PPP6R2: variants seen among roughly 807,000 people sequenced by gnomAD.
The protein encoded by PPP6R2 is protein phosphatase 6 regulatory subunit 2.
PPP6R2 carries 62 observed loss-of-function variants against 100.2 expected under a neutral mutation model. The ratio of observed to expected loss-of-function variants is 0.62; its 90% CI spans 0.50 to 0.76. The LOEUF is 0.76. PPP6R2 is among the 30% of genes least tolerant of loss of function. PPP6R2 has a pLI of 0.00. For synonymous variants in PPP6R2, 525 were observed against 514.7 expected (o/e 1.02, Z -0.27); for missense variants, 1,142 against 1,276.3 (o/e 0.89, Z 1.60).
chr22:50,372,317 C>A lies in PPP6R2; in HGVS notation c.-17+167C>A, dbSNP rs376684673. Among the ~76,000 whole-genome samples, 8 of 152,144 alleles carry A rather than the reference C, an allele frequency of 5.3e-5. No homozygotes were observed. The South Asian group carries it at 6.2e-4, about 12-fold the overall frequency. On this transcript the variant is annotated intron_variant, in intron 2 of 23. Coordinates refer to ENST00000612753, the MANE Select transcript of PPP6R2 (RefSeq NM_001242898.2). Reference sequence around the variant, plus strand: ...CTGTAATCTCAGCACTTTGGGAGGCCGAGGTGGGTGGATCATGAGATCAGG... The same window carrying A: ...CTGTAATCTCAGCACTTTGGGAGGCAGAGGTGGGTGGATCATGAGATCAGG...
the PPP6R2 span, among the ~76,000 whole-genome samples, chr22:50,334,412 C>A: frequency 2.0e-5 from 3 of 152,168 alleles, no homozygotes; most frequent in African/African-American, 7.2e-5. Context: ...CTAGGTTATA[C>A]TTGTAGAACA....
chr22:50,440,631 T>G (rs965395674), intron 21 of PPP6R2, among the ~76,000 whole-genome samples, 191 bp from the exon 22 acceptor site: 1 of 152,076 alleles, frequency 6.6e-6, no homozygotes, highest in African/African-American at 2.4e-5. Context: ...GCAACAGGGT[T>G]GTTTGTGTGG....
intron 1 of PPP6R2, among the ~76,000 whole-genome samples, chr22:50,369,692 A>C (rs2049578573): frequency 6.6e-6 from 1 of 152,024 alleles, no homozygotes; most frequent in South Asian, 2.1e-4. Flanking sequence ...TTTTTAGTAG[A>C]GGCAGGGTTT....
chr22:50,430,777 G>A (rs1345192529), intron 10 of PPP6R2, among the ~76,000 whole-genome samples: 1 of 151,434 alleles, frequency 6.6e-6, no homozygotes, highest in African/African-American at 2.4e-5. Flanking sequence ...GGGAGGCTGA[G>A]GCAGGAGAAT....
intron 19 of PPP6R2, among the ~76,000 whole-genome samples, chr22:50,438,994 G>T (rs924784550): frequency 6.6e-6 from 1 of 152,198 alleles, no homozygotes; most frequent in African/African-American, 2.4e-5. Context: ...ACTCAGCCAC[G>T]TTGCCAAGGC....
chr22:50,416,077 CTT>C lies in PPP6R2; in HGVS notation c.553-11_553-10del, dbSNP rs748875604. On this transcript the variant is annotated splice_polypyrimidine_tract_variant and intron_variant, in intron 5 of 23. Coordinates refer to ENST00000612753, the MANE Select transcript of PPP6R2 (RefSeq NM_001242898.2). ...CTTGAGCAGCGACACTGAAAGGCCT[CTT>C]TTTCTCTTTCAGTGGCTGAATGAAG... 6.2e-7 allele frequency: 1 copy of C among 1,610,252 alleles called. No individual in the cohort carries two copies. Among genetic ancestry groups the C allele is most frequent in the Non-Finnish European group, 8.5e-7 (1 of 1,176,484 alleles).
In PPP6R2 at chr22:50,439,837, T is replaced by A; in HGVS notation, c.2265T>A (p.Thr755=). The A allele has an allele frequency of 6.2e-7, 1 of 1,613,534 alleles. No individual in the cohort carries two copies. Among genetic ancestry groups the A allele is most frequent in the Non-Finnish European group, 8.5e-7 (1 of 1,179,768 alleles). ...AGGAGAAAGGCTGGGCCAAGTTCACTGACTTCCAACCTTTCTGCTGGTAAC... is the reference window on the plus strand; with the variant it reads ...AGGAGAAAGGCTGGGCCAAGTTCACAGACTTCCAACCTTTCTGCTGGTAAC... ...APEEKGWAKF[T]DFQPFCCSES... is the part of the protein sequence containing the mutation. The change falls in exon 20 of 24, where the codon ACT becomes ACA. Residue 755 remains threonine (T), a synonymous_variant. Transcript: ENST00000612753.
At chr22:50,425,186 C>T (rs555960785) in intron 10 of PPP6R2, among the ~76,000 whole-genome samples, 4 of 152,310 alleles carry the variant, frequency 2.6e-5, no homozygotes, top group Non-Finnish European at 5.9e-5. Flanking sequence ...TCTCTGGCAA[C>T]CACCATTGTC....
chr22:50,388,165 A>T (rs757152779), intron 2 of PPP6R2, among the ~76,000 whole-genome samples: 7 of 150,098 alleles, frequency 4.7e-5, no homozygotes, highest in Non-Finnish European at 1.0e-4. Flanking sequence ...TCTATAAAAA[A>T]TTTTTTTAGG....
intron 2 of PPP6R2, among the ~76,000 whole-genome samples, chr22:50,385,584 C>T (rs967811801): frequency 2.0e-5 from 3 of 147,834 alleles, no homozygotes; most frequent in South Asian, 2.2e-4. Context: ...GGCGCTATCT[C>T]GGCTCACTGC....
In PPP6R2 at chr22:50,438,233, T is replaced by G. The variant is rs11555194; in HGVS notation, c.1899T>G (p.Asp633Glu). The G allele has an allele frequency of 0.026, 41,399 of 1,613,766 alleles. 736 individuals are homozygous for G. Among genetic ancestry groups the G allele is most frequent in the East Asian group, 0.078 (3,504 of 44,858 alleles). The change falls in exon 18 of 24, where the codon GAT becomes GAG. Residue 633 changes from aspartate to glutamate, a missense_variant. Around this residue, in one of 2 missense-constraint regions of PPP6R2, gnomAD observed 550 missense variants for 517.4 expected, o/e 1.06. Coordinates refer to ENST00000612753, the MANE Select transcript of PPP6R2 (RefSeq NM_001242898.2). ...ACCGCATCCAGCCCTTTGATGATGA[T>G]GAGGACGAGGACATCTGGGAGGACA... Reference protein sequence around the residue: ...CSDRIQPFDDDEDEDIWEDSD... With the variant: ...CSDRIQPFDDEEDEDIWEDSD...
At chr22:50,436,546 G>A in intron 14 of PPP6R2, 94 bp downstream of exon 14, 1 of 1,270,026 alleles carries the variant, frequency 7.9e-7, no homozygotes. Context: ...GGCCAAGGGA[G>A]GCACAAGGGC....
In PPP6R2 at chr22:50,437,902, T is replaced by C; in HGVS notation, c.1839+2T>C. 6.4e-7 allele frequency: 1 copy of C among 1,557,412 alleles called. No individual in the cohort carries two copies. The highest frequency in any genetic ancestry group is 8.7e-7 in the Non-Finnish European group (1 of 1,150,608). On this transcript the variant is annotated splice_donor_variant, in intron 17 of 23. Coordinates refer to ENST00000612753, the MANE Select transcript of PPP6R2 (RefSeq NM_001242898.2). LOFTEE classifies it high-confidence loss of function. Reference sequence around the variant, plus strand: ...AACATCGACGCTGACGAGGACAGTGTGAGCAAGCCGGGCTGTGTGGGGTGC... The same window carrying C: ...AACATCGACGCTGACGAGGACAGTGCGAGCAAGCCGGGCTGTGTGGGGTGC...
rs1158377768 is a variant in PPP6R2 at position 50,443,878 on chromosome 22, T to C, written c.2592T>C (p.Ala864=). ...GTTTGCCACACAGGGTCGGGTGTGC[T>C]GACAGCCGGCTGTTAAGCCCTGCCT... ...TEEAVGRVGC[A]DSRLLSPACP... is the part of the protein sequence containing the mutation. The change falls in exon 23 of 24, where the codon GCT becomes GCC. Residue 864 remains alanine (A), a synonymous_variant. Coordinates refer to ENST00000612753, the MANE Select transcript of PPP6R2 (RefSeq NM_001242898.2). The C allele has an allele frequency of 2.5e-6, 4 of 1,581,158 alleles. No homozygotes were observed. Among genetic ancestry groups the C allele is most frequent in the Non-Finnish European group, 3.4e-6 (4 of 1,163,030 alleles).
chr22:50,341,234 C>T (rs913635431), upstream of PPP6R2, among the ~76,000 whole-genome samples: 3 of 151,792 alleles, frequency 2.0e-5, no homozygotes, highest in African/African-American at 7.3e-5. Flanking sequence ...GAGACATGGT[C>T]TTGTTCTGTT....
intron 4 of PPP6R2, among the ~76,000 whole-genome samples, chr22:50,412,044 A>G (rs1371661160): frequency 6.6e-6 from 1 of 152,082 alleles, no homozygotes; most frequent in African/African-American, 2.4e-5. Context: ...CTGCATCTCA[A>G]AAAAACAAAC....
At chr22:50,385,365 A>G (rs1348051394) in intron 2 of PPP6R2, among the ~76,000 whole-genome samples, 3 of 149,108 alleles carry the variant, frequency 2.0e-5, no homozygotes, top group Non-Finnish European at 4.5e-5. Flanking sequence ...CGTCCGGCTA[A>G]TTTTTGTATT....
intron 4 of PPP6R2, among the ~76,000 whole-genome samples, chr22:50,408,088 T>C (rs1246171655): frequency 6.6e-6 from 1 of 152,136 alleles, no homozygotes. Context: ...GGTTTCCCCA[T>C]GTTACCCAGG....
intron 2 of PPP6R2, among the ~76,000 whole-genome samples, chr22:50,385,228 C>T (rs915776186): frequency 6.6e-6 from 1 of 152,114 alleles, no homozygotes; most frequent in Non-Finnish European, 1.5e-5. Flanking sequence ...CAGAATCTCA[C>T]GCCGTCACCC....
Sources: gnomAD v4.1 joint callset for allele counts (sites outside exome capture counted in the v4.1 genomes callset) on GRCh38, gnomAD v4.1.1 for gene constraint, gnomAD v4.1.1 regional missense constraint, MANE v1.5 for transcripts, NCBI Gene and HGNC (gene_info 2026-07-23, HGNC 2026-07-21) for gene names.